The following NUDT3 variants were observed in gnomAD, a reference collection of about 807,000 sequenced individuals.
NUDT3 encodes the protein diphosphoinositol polyphosphate phosphohydrolase 1.
A neutral mutation model predicts 23.6 loss-of-function variants in NUDT3; 9 were observed. That is an observed-to-expected ratio of 0.38 (90% CI 0.23 to 0.66). NUDT3 has a LOEUF of 0.66. Ranked by LOEUF, NUDT3 falls within the 30% of genes least tolerant of loss-of-function variation. The pLI, the probability that NUDT3 is intolerant of heterozygous loss-of-function variation, is 0.52. For synonymous variants in NUDT3, 86 were observed against 82.6 expected (o/e 1.04, Z -0.22); for missense variants, 172 against 218.5 (o/e 0.79, Z 1.34).
intron 2 of NUDT3, among the ~76,000 whole-genome samples, chr6:34,338,851 T>C (rs1025769229): frequency 3.3e-5 from 5 of 152,212 alleles, no homozygotes; most frequent in African/African-American, 9.6e-5. Flanking sequence ...TCACAGGGAA[T>C]CTGGTTGGGT....
At chr6:34,307,425 A>G (rs1291246849) in intron 2 of NUDT3, among the ~76,000 whole-genome samples, 1 of 151,956 alleles carries the variant, frequency 6.6e-6, no homozygotes. Flanking sequence ...CAAAAATAAA[A>G]AAATTAGCCA....
intron 1 of NUDT3, among the ~76,000 whole-genome samples, chr6:34,373,773 A>T (rs1280597328): frequency 4.6e-5 from 7 of 152,214 alleles, no homozygotes; most frequent in Non-Finnish European, 1.0e-4. Flanking sequence ...GTTGGTATAG[A>T]TTACACTTCT....
intron 1 of NUDT3, among the ~76,000 whole-genome samples, chr6:34,359,596 T>C (rs1279830644): frequency 6.6e-6 from 1 of 152,216 alleles, no homozygotes; most frequent in East Asian, 1.9e-4. Flanking sequence ...GTAGCATGTA[T>C]CACCACCTCA....
chr6:34,344,602 G>C (rs1468642000), intron 1 of NUDT3, among the ~76,000 whole-genome samples: 2 of 152,150 alleles, frequency 1.3e-5, no homozygotes, highest in Admixed American at 6.6e-5. Flanking sequence ...TGGGGAAAAT[G>C]AAAGTATTCA....
chr6:34,385,565 T>C lies in NUDT3; in HGVS notation c.99+6699A>G, dbSNP rs181795387. 3.6e-3 allele frequency among the ~76,000 whole-genome samples: 540 copies of C among 151,140 alleles called. 5 individuals carry two copies. Among genetic ancestry groups the C allele is most frequent in the Admixed American group, 7.6e-3 (116 of 15,248 alleles). The stretch of plus-strand genomic sequence containing the variant: ...ACCTATGTTTTCCAGTCCTAGTTTT[T>C]ATAAAGAACAAAAACCTAAAAACAT... On this transcript the variant is annotated intron_variant, in intron 1 of 4. Transcript: ENST00000607016.
rs35318487 is a variant in NUDT3 at position 34,291,587 on chromosome 6, C to A, written c.340+1864G>T. On this transcript the variant is annotated intron_variant, in intron 4 of 4. Coordinates refer to ENST00000607016, the MANE Select transcript of NUDT3 (RefSeq NM_006703.4). ...GTGTATTCTTGGCTCACTGCAACCT[C>A]CACCTCCTAGGTTCAAGTTATTCTC... Among the ~76,000 whole-genome samples, 38 of 152,072 alleles carry A rather than the reference C, an allele frequency of 2.5e-4. 1 individual carries two copies. The highest frequency in any genetic ancestry group is 2.5e-3 in the Admixed American group (38 of 15,268).
intron 1 of NUDT3, among the ~76,000 whole-genome samples, chr6:34,377,140 T>TA (rs1561923527): frequency 2.0e-5 from 3 of 152,202 alleles, no homozygotes; most frequent in Non-Finnish European, 4.4e-5. Context: ...CCATGTACTT[T>TA]ATGTCCCACT....
chr6:34,375,169 C>G (rs1403673849), intron 1 of NUDT3, among the ~76,000 whole-genome samples: 3 of 151,974 alleles, frequency 2.0e-5, no homozygotes, highest in African/African-American at 7.3e-5. Context: ...ACGGTGAAAC[C>G]CCATCTCTAC....
chr6:34,348,322 C>CT (rs1764412073), intron 1 of NUDT3, among the ~76,000 whole-genome samples: 1 of 148,666 alleles, frequency 6.7e-6, no homozygotes, highest in Non-Finnish European at 1.5e-5. Flanking sequence ...CCGCCCCCCA[C>CT]CAAAAAAAAA....
At chr6:34,317,846 GTCAAAGTGTCTTT>G (rs1406323103) in intron 2 of NUDT3, among the ~76,000 whole-genome samples, 1 of 152,070 alleles carries the variant, frequency 6.6e-6, no homozygotes, top group East Asian at 1.9e-4. Context: ...ATTACTTCTA[GTCAAAGTGTCTTT>G]TAACCCTTTA....
intron 2 of NUDT3, among the ~76,000 whole-genome samples, chr6:34,297,730 A>AAAT (rs61610076): frequency 2.8e-5 from 2 of 71,982 alleles, no homozygotes; most frequent in African/African-American, 7.7e-5. Context: ...AAAAAAAAAA[A>AAAT]ATATATATAT....
At position 34,392,461 on chromosome 6, in the gene NUDT3, A is replaced by G; in HGVS notation, c.-99T>C. The G allele has an allele frequency of 1.2e-6, 1 of 818,610 alleles. No homozygotes were observed. 50.7% of individuals were successfully genotyped at this position (818,610 alleles called of 1,614,324 possible). A position where few individuals can be genotyped will look rare whatever the true frequency, so the allele number is the denominator to read the frequency against. ...GTGCGCGCGCGCCCCCGGCTCGGCC[A>G]AGGGAAGCAGGGAGGGGGAGCTTCT... On this transcript the variant is annotated 5_prime_UTR_variant, in exon 1 of 5. Coordinates refer to ENST00000607016, the MANE Select transcript of NUDT3 (RefSeq NM_006703.4).
Position 34,362,158 on chromosome 6 carries a change from A to C in NUDT3, c.100-20186T>G, listed in dbSNP as rs575111065. Among the ~76,000 whole-genome samples the C allele has an allele frequency of 3.9e-5, 6 of 152,336 alleles. No individual in the cohort carries two copies. The East Asian group carries it at 7.7e-4, about 20-fold the overall frequency. ...AACCAAAAACTGCTCTAAAAAGTAA[A>C]GTCTATTTTTAAAAGTACTAAACAT... On this transcript the variant is annotated intron_variant, in intron 1 of 4. Transcript: ENST00000607016.
intron 2 of NUDT3, among the ~76,000 whole-genome samples, chr6:34,337,150 T>C (rs990451268): frequency 1.3e-5 from 2 of 152,212 alleles, no homozygotes; most frequent in African/African-American, 4.8e-5. Flanking sequence ...TGGATACTTA[T>C]TCTAAAGTTC....
At chr6:34,360,594 T>G (rs557894144) in intron 1 of NUDT3, among the ~76,000 whole-genome samples, 2 of 152,178 alleles carry the variant, frequency 1.3e-5, no homozygotes, top group African/African-American at 4.8e-5. Flanking sequence ...CAAAAAAGAT[T>G]GTCTATAATA....
intron 2 of NUDT3, among the ~76,000 whole-genome samples, chr6:34,311,060 T>C (rs933558875): frequency 6.7e-6 from 1 of 149,926 alleles, no homozygotes; most frequent in Non-Finnish European, 1.5e-5. Flanking sequence ...ACAGAGTAAG[T>C]ACAAAAAACT....
At chr6:34,378,037 C>G (rs906320911) in intron 1 of NUDT3, among the ~76,000 whole-genome samples, 3 of 150,964 alleles carry the variant, frequency 2.0e-5, no homozygotes, top group Admixed American at 2.0e-4. Context: ...CCAGGTGCAG[C>G]GGCTCACACC....
At chr6:34,307,858 C>T (rs1188757033) in intron 2 of NUDT3, among the ~76,000 whole-genome samples, 3 of 151,922 alleles carry the variant, frequency 2.0e-5, no homozygotes, top group Non-Finnish European at 2.9e-5. Flanking sequence ...GGGGCTCATG[C>T]CTGTAATCTC....
At chr6:34,326,620 A>G (rs879732082) in intron 2 of NUDT3, among the ~76,000 whole-genome samples, 3 of 151,048 alleles carry the variant, frequency 2.0e-5, no homozygotes, top group Non-Finnish European at 2.9e-5. Context: ...CTTTTTTTTG[A>G]CACGGAGTCT....
Sources: gnomAD v4.1 joint callset for allele counts (sites outside exome capture counted in the v4.1 genomes callset) on GRCh38, gnomAD v4.1.1 for gene constraint, MANE v1.5 for transcripts, NCBI Gene and HGNC (gene_info 2026-07-23, HGNC 2026-07-21) for gene names.